The following TSPAN32 variants were observed in gnomAD, a reference collection of about 807,000 sequenced individuals.
TSPAN32 encodes tetraspanin 32.
Under a neutral mutation model 42.7 loss-of-function variants are expected in TSPAN32, and 47 were observed. That is an observed-to-expected ratio of 1.10 (90% CI 0.87 to 1.40). The LOEUF (loss-of-function observed/expected upper bound fraction) is 1.40, where lower values mean the gene tolerates loss of function less well. TSPAN32 is among the 40% of genes most tolerant of loss of function. The pLI, the probability that TSPAN32 is intolerant of heterozygous loss-of-function variation, is 0.00. For synonymous variants in TSPAN32, 175 were observed against 175.9 expected (o/e 0.99, Z 0.04); for missense variants, 469 against 424.1 (o/e 1.11, Z -0.93).
chr11:2,302,376 C>A (rs894564871), intron 1 of TSPAN32, among the ~76,000 whole-genome samples, 161 bp downstream of exon 1: 1 of 152,218 alleles, frequency 6.6e-6, no homozygotes, highest in Non-Finnish European at 1.5e-5. Flanking sequence ...TGCAGACAGC[C>A]GCAGGCAGGC....
chr11:2,314,149 C>T (rs1369733048), intron 5 of TSPAN32, among the ~76,000 whole-genome samples: 1 of 139,050 alleles, frequency 7.2e-6, no homozygotes, highest in African/African-American at 2.7e-5. Context: ...ATAGGGAGAC[C>T]TTGTCTCTAC....
chr11:2,316,118 G>A (rs1239976708), intron 6 of TSPAN32, 111 bp from the exon 7 acceptor site: 3 of 1,524,108 alleles, frequency 2.0e-6, no homozygotes, highest in Non-Finnish European at 2.6e-6. Context: ...CCGCCCTGCT[G>A]CCCTGGCATT....
intron 6 of TSPAN32, chr11:2,315,314 G>A: frequency 8.5e-7 from 1 of 1,173,262 alleles, no homozygotes. Context: ...CCTGGTGAGG[G>A]GTGGAGCCAC....
chr11:2,315,258 G>GT, intron 6 of TSPAN32: 3 of 1,198,642 alleles, frequency 2.5e-6, no homozygotes, highest in Non-Finnish European at 1.1e-6. Context: ...GGAGGCACCT[G>GT]GCGACCCTCC....
chr11:2,313,061 C>T lies in TSPAN32; in HGVS notation c.355-593C>T, dbSNP rs546595147. Among the ~76,000 whole-genome samples the T allele has an allele frequency of 1.3e-5, 2 of 152,182 alleles. No homozygotes were observed. Among genetic ancestry groups the T allele is most frequent in the East Asian group, 3.9e-4 (2 of 5,182 alleles). The stretch of plus-strand genomic sequence containing the variant: ...AGCGCAGGCAGCACATCCAGCCAGG[C>T]CCCGTCACCTTCCACCTTCTTCACC... On this transcript the variant is annotated intron_variant, in intron 4 of 9. Transcript: ENST00000182290. The surrounding 1 kb of genome is among the most constrained non-coding windows in gnomAD (Gnocchi z 9.1).
In TSPAN32 at chr11:2,314,575, AG is replaced by A. The variant is rs746788033; in HGVS notation, c.543+11del. ...GGGAGAGGAGGCGGCGAGAGAGGTG[AG>A]GGGGGGACCTGGATGCTGGCCAGGC... On this transcript the variant is annotated splice_donor_5th_base_variant and intron_variant, in intron 6 of 9. Coordinates refer to ENST00000182290, the MANE Select transcript of TSPAN32 (RefSeq NM_139022.3). 23 of 1,603,668 alleles carry A rather than the reference AG, an allele frequency of 1.4e-5. 1 individual carries two copies. In the South Asian group the frequency reaches 1.5e-4, roughly 10 times the overall value.
chr11:2,304,261 G>A lies in TSPAN32; in HGVS notation c.279+57G>A, dbSNP rs917276580. The stretch of plus-strand genomic sequence containing the variant: ...CCCCAGAAAAGAATTAGAAAGGAGT[G>A]AAGAGCTGGCAGGGCTGTGTGCCAC... On this transcript the variant is annotated intron_variant, in intron 3 of 9. Transcript: ENST00000182290. This position sits in a 1 kb window ranked among gnomAD's most constrained non-coding sequence, Gnocchi z 4.8. The A allele has an allele frequency of 2.3e-6, 3 of 1,311,308 alleles. No individual in the cohort carries two copies. The African/African-American group carries it at 4.5e-5, about 19-fold the overall frequency. The allele number at this position is 1,311,308 out of a possible 1,614,324, so 81.2% of individuals were successfully genotyped here.
At chr11:2,316,414 C>T (rs1425054608) in intron 7 of TSPAN32, 102 bp downstream of exon 7, 20 of 1,544,436 alleles carry the variant, frequency 1.3e-5, no homozygotes, top group Non-Finnish European at 1.6e-5. Context: ...GATCTCTGGT[C>T]TTGAGCCTCA....
intron 4 of TSPAN32, among the ~76,000 whole-genome samples, chr11:2,312,737 T>G (rs1848535316): frequency 6.6e-6 from 1 of 152,168 alleles, no homozygotes; most frequent in Admixed American, 6.5e-5. Context: ...GGCCTGGGGC[T>G]TCCATCCTCC....
Position 2,317,483 on chromosome 11 carries a change from G to T in TSPAN32, c.859G>T (p.Ala287Ser), listed in dbSNP as rs1160375983. 2 of 1,597,456 alleles carry T rather than the reference G, an allele frequency of 1.3e-6. No individual in the cohort carries two copies. The highest frequency in any genetic ancestry group is 8.5e-7 in the Non-Finnish European group (1 of 1,172,816). Residue 287 changes from alanine (A) to serine (S), a missense_variant, in exon 9 of 10, where the codon GCT (alanine) becomes TCT (serine). Physicochemically the swap from Ala to Ser is moderately conservative, Grantham distance 99 (BLOSUM62 1). Coordinates refer to ENST00000182290, the MANE Select transcript of TSPAN32 (RefSeq NM_139022.3). This position sits in a 1 kb window ranked among gnomAD's most constrained non-coding sequence, Gnocchi z 6.2. ...TCTTCGGTGGCTGCAGGAGAGCGAT[G>T]CTGCGCCTCTGCCCCTCTCCTGCCA... ...GSLRWLQESD[A>S]APLPLSCHLA...
In TSPAN32 at chr11:2,304,499, C is replaced by A. The variant is rs138739227; in HGVS notation, c.279+295C>A. 0.011 allele frequency among the ~76,000 whole-genome samples: 1,672 copies of A among 151,672 alleles called. 27 individuals carry two copies. The highest frequency in any genetic ancestry group is 0.034 in the Middle Eastern group (10 of 290). On this transcript the variant is annotated intron_variant, in intron 3 of 9. Coordinates refer to ENST00000182290, the MANE Select transcript of TSPAN32 (RefSeq NM_139022.3). The surrounding 1 kb of genome is among the most constrained non-coding windows in gnomAD (Gnocchi z 4.8). ...CGCCCAACAAGGGTTCCTATAGGAG[C>A]TCTGAAAGAGAGAGACGGCCCTCCT... is the stretch of plus-strand genomic sequence containing the variant.
intron 6 of TSPAN32, chr11:2,315,775 C>G: frequency 7.9e-7 from 1 of 1,270,478 alleles, no homozygotes. Context: ...TGGGATGGAA[C>G]CAGGAAGCTG....
chr11:2,316,109 C>T (rs768156427), intron 6 of TSPAN32, 120 bp from the exon 7 acceptor site: 45 of 1,525,016 alleles, frequency 3.0e-5, no homozygotes, highest in Admixed American at 2.4e-4. Flanking sequence ...CCGCACCCGC[C>T]GCCCTGCTGC....
At chr11:2,303,084 A>G (rs1847860748) in intron 2 of TSPAN32, 126 bp downstream of exon 2, 8 of 784,528 alleles carry the variant, frequency 1.0e-5, no homozygotes, top group Middle Eastern at 2.9e-4. Context: ...AGAGGTGGTC[A>G]GGGGCAGGGA....
chr11:2,308,001 A>G (rs1466644404), intron 3 of TSPAN32, among the ~76,000 whole-genome samples: 1 of 152,096 alleles, frequency 6.6e-6, no homozygotes, highest in Non-Finnish European at 1.5e-5. Context: ...CCGGCCCTGG[A>G]GAGGCTCAGG....
intron 4 of TSPAN32, 106 bp downstream of exon 4, chr11:2,308,916 C>T: frequency 1.3e-6 from 1 of 779,926 alleles, no homozygotes; most frequent in South Asian, 1.7e-5. Flanking sequence ...AGCTTCCAGG[C>T]TTGTGCTGAC....
At position 2,302,666 on chromosome 11, in the gene TSPAN32, C is replaced by T. The variant is rs531005475; in HGVS notation, c.67-178C>T. On this transcript the variant is annotated intron_variant, in intron 1 of 9. Transcript: ENST00000182290. The stretch of plus-strand genomic sequence containing the variant: ...GGGGGTGCCTGTGAGTGTGCTGGGG[C>T]GTCTGCAGTGAAGGCCTCCTGAGAC... 2.5e-4 allele frequency: 155 copies of T among 608,698 alleles called. 1 individual carries two copies. In the East Asian group the frequency reaches 3.8e-3, roughly 15 times the overall value. 37.7% of individuals were successfully genotyped at this position (608,698 alleles called of 1,614,324 possible).
At chr11:2,308,349 C>T (rs1196992750) in intron 3 of TSPAN32, among the ~76,000 whole-genome samples, 1 of 151,980 alleles carries the variant, frequency 6.6e-6, no homozygotes, top group East Asian at 1.9e-4. Flanking sequence ...ACTGCCCTGC[C>T]CAGGCCTGCC....
chr11:2,313,920 C>T lies in TSPAN32; in HGVS notation c.456+165C>T, dbSNP rs1031619276. Reference sequence around the variant, plus strand: ...GGGCTGGGGGCAAAAAGCTCCCACCCTCTGTCTGCCCAGGACAAGGCCGCC... The same window carrying T: ...GGGCTGGGGGCAAAAAGCTCCCACCTTCTGTCTGCCCAGGACAAGGCCGCC... On this transcript the variant is annotated intron_variant, in intron 5 of 9. Transcript: ENST00000182290. The surrounding 1 kb of genome is among the most constrained non-coding windows in gnomAD (Gnocchi z 9.1). Among the ~76,000 whole-genome samples, 13 of 152,078 alleles carry T rather than the reference C, an allele frequency of 8.5e-5. No homozygotes were observed. The highest frequency in any genetic ancestry group is 3.1e-4 in the African/African-American group (13 of 41,408).
Sources: gnomAD v4.1 joint callset for allele counts (sites outside exome capture counted in the v4.1 genomes callset) on GRCh38, gnomAD v4.1.1 for gene constraint, Gnocchi (gnomAD v3.1) non-coding constraint, MANE v1.5 for transcripts, NCBI Gene and HGNC (gene_info 2026-07-23, HGNC 2026-07-21) for gene names.